NPIPB2: variants seen among roughly 807,000 people sequenced by gnomAD.
NPIPB2 encodes the protein nuclear pore complex-interacting protein family member B2.
A neutral mutation model predicts 30.8 loss-of-function variants in NPIPB2; 27 were observed. The ratio of observed to expected loss-of-function variants is 0.88; its 90% CI spans 0.65 to 1.21. The LOEUF is 1.21. NPIPB2 is among the 50% of genes most tolerant of loss of function. The pLI is 0.00. For synonymous variants in NPIPB2, 147 were observed against 162.0 expected (o/e 0.91, Z 0.70); for missense variants, 440 against 446.2 (o/e 0.99, Z 0.13).
chr16:11,958,611 T>C (rs977193926), intron 1 of NPIPB2, among the ~76,000 whole-genome samples: 2 of 151,898 alleles, frequency 1.3e-5, no homozygotes, highest in South Asian at 2.1e-4. Context: ...CAAGATGGCA[T>C]GTGCCTGCAG....
At chr16:11,949,859 C>T (rs403691) in intron 1 of NPIPB2, among the ~76,000 whole-genome samples, 151,763 of 152,258 alleles carry the variant, frequency 1, 75,639 homozygotes, top group Middle Eastern at 1. Context: ...TTGATGAATG[C>T]GGCCTTTCCC....
chr16:11,964,791 G>A (rs1170687037), intron 1 of NPIPB2, among the ~76,000 whole-genome samples: 9 of 152,134 alleles, frequency 5.9e-5, no homozygotes, highest in Non-Finnish European at 7.3e-5. Context: ...TTGAACTCCT[G>A]GGCTCAAGCA....
Position 11,967,502 on chromosome 16 carries a change from C to G in NPIPB2, c.-584+9066G>C. The G allele has an allele frequency of 2.7e-6, 4 of 1,497,000 alleles. No individual in the cohort carries two copies. The South Asian group carries it at 3.7e-5, about 14-fold the overall frequency. The allele number at this position is 1,497,000 out of a possible 1,614,324, so 92.7% of individuals were successfully genotyped here. A position where few individuals can be genotyped will look rare whatever the true frequency, so the allele number is the denominator to read the frequency against. ...ACATTGCTTTGAGTCCCGATGTGTACTGCTAAGACTCTCATGACCACATTC... is the reference window on the plus strand; with the variant it reads ...ACATTGCTTTGAGTCCCGATGTGTAGTGCTAAGACTCTCATGACCACATTC... On this transcript the variant is annotated intron_variant, in intron 1 of 5. Transcript: ENST00000538896.
At chr16:11,960,383 C>T (rs999111889) in intron 1 of NPIPB2, among the ~76,000 whole-genome samples, 1 of 134,316 alleles carries the variant, frequency 7.4e-6, no homozygotes, top group Non-Finnish European at 1.5e-5. Flanking sequence ...GAGACAGAGT[C>T]TCCCTCTGTC....
exon 8 of NPIPB2, chr16:11,927,869 G>A (rs532091746): frequency 2.0e-5 from 23 of 1,179,210 alleles, no homozygotes; most frequent in Middle Eastern, 5.6e-4. Flanking sequence ...CTCCGCTGCC[G>A]CCATTCTGAC....
chr16:11,972,512 T>A (rs1251402402), intron 1 of NPIPB2, among the ~76,000 whole-genome samples: 1 of 151,586 alleles, frequency 6.6e-6, no homozygotes, highest in East Asian at 1.9e-4. Context: ...GAGGCGGAGG[T>A]TGCAGTGAGC....
intron 1 of NPIPB2, among the ~76,000 whole-genome samples, chr16:11,940,664 G>A (rs974541531): frequency 3.5e-5 from 5 of 140,992 alleles, no homozygotes; most frequent in African/African-American, 1.0e-4. Flanking sequence ...GGAGGCTGAG[G>A]CAGGACAATT....
chr16:11,927,762 G>A (rs765611329), exon 8 of NPIPB2: 7 of 1,594,980 alleles, frequency 4.4e-6, no homozygotes, highest in South Asian at 1.1e-5. Flanking sequence ...GTTATAGAAT[G>A]TTGTTGAGTT....
intron 1 of NPIPB2, chr16:11,968,022 T>C (rs577200482): frequency 5.9e-6 from 4 of 678,224 alleles, no homozygotes; most frequent in Non-Finnish European, 7.0e-6. Flanking sequence ...GGGAGCTTAA[T>C]GGTAGAAACT....
At chr16:11,969,699 A>G (rs1295492806) in intron 1 of NPIPB2, among the ~76,000 whole-genome samples, 1 of 152,236 alleles carries the variant, frequency 6.6e-6, no homozygotes, top group Non-Finnish European at 1.5e-5. Context: ...ATCAGGCATT[A>G]CTATAATTAC....
chr16:11,941,906 C>T, intron 1 of NPIPB2, 77 bp downstream of exon 1: 1 of 985,610 alleles, frequency 1.0e-6, no homozygotes, highest in Non-Finnish European at 1.5e-6. Context: ...CCTGAGCTCC[C>T]AGGGTTCCTC....
chr16:11,934,083 T>A (rs965767277), intron 2 of NPIPB2, among the ~76,000 whole-genome samples, 159 bp from the exon 3 acceptor site: 8 of 151,122 alleles, frequency 5.3e-5, no homozygotes, highest in African/African-American at 1.9e-4. Flanking sequence ...ATACAAAAAT[T>A]AGCCGGGCAT....
exon 2 of NPIPB2, chr16:11,937,543 A>G (rs1304062513): frequency 2.0e-5 from 32 of 1,588,142 alleles, no homozygotes; most frequent in Non-Finnish European, 2.7e-5. Flanking sequence ...CACTCACCCA[A>G]AGGTAAACTG....
chr16:11,960,467 C>T (rs1297178873), intron 1 of NPIPB2, among the ~76,000 whole-genome samples: 4 of 151,576 alleles, frequency 2.6e-5, no homozygotes, highest in African/African-American at 9.7e-5. Flanking sequence ...AGCAATTGCC[C>T]TGCCTCAGGC....
At position 11,950,991 on chromosome 16, in the gene NPIPB2, A is replaced by G. The variant is rs141874706; in HGVS notation, c.-583-8877T>C. 7.2e-5 allele frequency among the ~76,000 whole-genome samples: 11 copies of G among 152,180 alleles called. No homozygotes were observed. The East Asian group carries it at 2.1e-3, about 29-fold the overall frequency. ...TATACATGATTTTTTTGCATGTAAAATATGTTTTATTGTTCTTTAAAAGGA... is the reference window on the plus strand; with the variant it reads ...TATACATGATTTTTTTGCATGTAAAGTATGTTTTATTGTTCTTTAAAAGGA... On this transcript the variant is annotated intron_variant, in intron 1 of 5. Transcript: ENST00000538896.
In NPIPB2 at chr16:11,947,296, T is replaced by TTTTATTTA. The variant is rs146457872; in HGVS notation, c.-583-5190_-583-5183dup. ...GTGTGTACATAGGTACATACACATA[T>TTTTATTTA]TTTATTTATTTATTTATTTATTTAT... On this transcript the variant is annotated intron_variant, in intron 1 of 5. Transcript: ENST00000538896. Among the ~76,000 whole-genome samples the TTTTATTTA allele has an allele frequency of 6.0e-3, 814 of 135,944 alleles. 6 individuals carry two copies. Among genetic ancestry groups the TTTTATTTA allele is most frequent in the South Asian group, 0.019 (79 of 4,178 alleles). The allele number at this position is 135,944 out of a possible 152,430, so 89.2% of individuals were successfully genotyped here.
intron 4 of NPIPB2, among the ~76,000 whole-genome samples, chr16:11,931,813 G>A (rs2054793242): frequency 6.6e-6 from 1 of 151,834 alleles, no homozygotes. Context: ...ACATCAAATT[G>A]CTAACATGGC....
At chr16:11,974,123 G>A (rs748448663) in intron 1 of NPIPB2, among the ~76,000 whole-genome samples, 10 of 152,120 alleles carry the variant, frequency 6.6e-5, no homozygotes, top group Non-Finnish European at 1.3e-4. Flanking sequence ...TGTTATGGGC[G>A]AGGCCAGAGA....
intron 1 of NPIPB2, among the ~76,000 whole-genome samples, chr16:11,952,994 T>G (rs1015419792): frequency 6.6e-6 from 1 of 152,184 alleles, no homozygotes; most frequent in African/African-American, 2.4e-5. Flanking sequence ...GTGTATTCCC[T>G]GTGGATTCTC....
Sources: gnomAD v4.1 joint callset for allele counts (sites outside exome capture counted in the v4.1 genomes callset) on GRCh38, gnomAD v4.1.1 for gene constraint, MANE v1.5 for transcripts, NCBI Gene and HGNC (gene_info 2026-07-23, HGNC 2026-07-21) for gene names.